The following SPRY3 variants were observed in gnomAD, a reference collection of about 807,000 sequenced individuals.
The protein encoded by SPRY3 is protein sprouty homolog 3.
SPRY3 carries 15 observed loss-of-function variants against 20.2 expected under a neutral mutation model. The observed-to-expected ratio is 0.74, with a 90% CI of 0.50 to 1.14. The LOEUF is 1.14. Ranked by LOEUF, SPRY3 falls within the 50% of genes most tolerant of loss-of-function variation. The pLI, the probability that SPRY3 is intolerant of heterozygous loss-of-function variation, is 0.00. For synonymous variants in SPRY3, 143 were observed against 136.5 expected (o/e 1.05, Z -0.33); for missense variants, 364 against 363.9 (o/e 1.00, Z 0.00).
At chrX:155,704,686 A>G (rs1289492055) in intron 2 of SPRY3, among the ~76,000 whole-genome samples, 1 of 151,676 alleles carries the variant, frequency 6.6e-6, no homozygotes, top group East Asian at 1.9e-4. Context: ...TGCACCAAAC[A>G]TGACTTTTTA....
chrX:155,746,214 A>G (rs2091225306), intron 2 of SPRY3, among the ~76,000 whole-genome samples: 1 of 152,048 alleles, frequency 6.6e-6, no homozygotes, highest in South Asian at 2.1e-4. Context: ...TATACCTGTA[A>G]GCAAGTAAAT....
intron 2 of SPRY3, among the ~76,000 whole-genome samples, chrX:155,680,091 C>CT (rs2068069226): frequency 9.7e-6 from 1 of 102,843 alleles, no homozygotes; most frequent in Non-Finnish European, 2.0e-5. Flanking sequence ...AAACATGGGA[C>CT]TTTATATTAA....
intron 2 of SPRY3, among the ~76,000 whole-genome samples, chrX:155,762,669 C>T (rs1277576233): frequency 6.6e-6 from 1 of 152,060 alleles, no homozygotes; most frequent in Non-Finnish European, 1.5e-5. Flanking sequence ...GGTCTCACAC[C>T]AGTCCGAATG....
intron 2 of SPRY3, among the ~76,000 whole-genome samples, chrX:155,709,796 G>T (rs2090974040): frequency 6.6e-6 from 1 of 151,740 alleles, no homozygotes; most frequent in Non-Finnish European, 1.5e-5. Context: ...CATAAGTTTA[G>T]TCTTAGATTT....
chrX:155,741,331 C>T (rs891408963), intron 2 of SPRY3, among the ~76,000 whole-genome samples: 1 of 152,066 alleles, frequency 6.6e-6, no homozygotes, highest in Non-Finnish European at 1.5e-5. Flanking sequence ...CAAACAAAAC[C>T]TCCAAGAACT....
intron 2 of SPRY3, among the ~76,000 whole-genome samples, chrX:155,754,214 A>G (rs1408319852): frequency 6.6e-6 from 1 of 151,914 alleles, no homozygotes; most frequent in Non-Finnish European, 1.5e-5. Context: ...AGAGTTTTGT[A>G]GTTTTGGCTC....
At position 155,766,491 on chromosome X, in the gene SPRY3, C is replaced by A. The variant is rs761695471; in HGVS notation, c.-281-1471C>A. Among the ~76,000 whole-genome samples, 8 of 152,244 alleles carry A rather than the reference C, an allele frequency of 5.3e-5. 1 individual carries two copies. In the South Asian group the frequency reaches 1.5e-3, roughly 28 times the overall value. On this transcript the variant is annotated intron_variant, in intron 2 of 3. Coordinates refer to ENST00000675360, the Ensembl canonical transcript of SPRY3. ...TTTTACTCTGAACTGTCACCATTTACCATCTCAATTTTATAGATGAGGTAA... is the reference window on the plus strand; with the variant it reads ...TTTTACTCTGAACTGTCACCATTTAACATCTCAATTTTATAGATGAGGTAA...
At chrX:155,727,932 G>A (rs1229221608) in intron 2 of SPRY3, among the ~76,000 whole-genome samples, 1 of 152,138 alleles carries the variant, frequency 6.6e-6, no homozygotes, top group Non-Finnish European at 1.5e-5. Context: ...CCCCATCTTT[G>A]TGGTTTTATC....
intron 2 of SPRY3, among the ~76,000 whole-genome samples, chrX:155,749,452 C>G (rs2091248002): frequency 6.6e-6 from 1 of 151,614 alleles, no homozygotes; most frequent in Non-Finnish European, 1.5e-5. Context: ...GAGAAGGCCT[C>G]TCTGATAAAG....
intron 2 of SPRY3, among the ~76,000 whole-genome samples, chrX:155,677,747 A>C (rs748533718): frequency 8.0e-5 from 9 of 111,951 alleles, no homozygotes; most frequent in Admixed American, 1.9e-4. Context: ...TATAACCAGA[A>C]AGTAGAAGTC....
At chrX:155,700,638 TACTCTAAG>T (rs1395772018) in intron 2 of SPRY3, among the ~76,000 whole-genome samples, 47 of 80,220 alleles carry the variant, frequency 5.9e-4, no homozygotes, top group Admixed American at 8.0e-4. Context: ...TTTTTTATTA[TACTCTAAG>T]TTTTAGGGTA....
intron 2 of SPRY3, among the ~76,000 whole-genome samples, chrX:155,684,289 A>G (rs761145719): frequency 9.0e-6 from 1 of 111,193 alleles, no homozygotes; most frequent in Non-Finnish European, 1.9e-5. Flanking sequence ...AATGATCACT[A>G]TTATAAGAAA....
chrX:155,642,973 T>C (rs1557351557), intron 1 of SPRY3, among the ~76,000 whole-genome samples: 1 of 112,069 alleles, frequency 8.9e-6, no homozygotes, highest in African/African-American at 3.2e-5. Context: ...AAATGTTCTG[T>C]ACAAATCTAT....
downstream of SPRY3, chrX:155,781,628 G>C (rs1193766770): frequency 6.0e-6 from 1 of 166,862 alleles, no homozygotes; most frequent in African/African-American, 2.4e-5. Flanking sequence ...CTGAGCCTTT[G>C]CTTTTCTCAT....
intron 2 of SPRY3, among the ~76,000 whole-genome samples, chrX:155,724,317 TGAAGAAA>T (rs1173231990): frequency 6.6e-6 from 1 of 152,176 alleles, no homozygotes; most frequent in Non-Finnish European, 1.5e-5. Flanking sequence ...TCCAATTCTG[TGAAGAAA>T]GTCATTGGTA....
At chrX:155,643,557 C>T (rs988610791) in intron 1 of SPRY3, among the ~76,000 whole-genome samples, 1 of 110,923 alleles carries the variant, frequency 9.0e-6, no homozygotes, top group Non-Finnish European at 1.9e-5. Context: ...TCCTTCCTTT[C>T]TTTCTTTTAG....
chrX:155,679,568 C>T (rs866159394), intron 2 of SPRY3, among the ~76,000 whole-genome samples: 2 of 111,806 alleles, frequency 1.8e-5, no homozygotes, highest in Admixed American at 1.9e-4. Context: ...GGTCTCACCT[C>T]TTAATACTAT....
intron 2 of SPRY3, among the ~76,000 whole-genome samples, chrX:155,742,342 G>A (rs1481819117): frequency 1.3e-5 from 2 of 152,098 alleles, no homozygotes; most frequent in Non-Finnish European, 2.9e-5. Context: ...GATTCATAAA[G>A]CAAGTTCTTA....
At chrX:155,780,406 T>G (rs1324959016), downstream of SPRY3, 2 of 166,996 alleles carry the variant, frequency 1.2e-5, no homozygotes, top group Admixed American at 6.6e-5. Context: ...ACCTGTGTCC[T>G]AAGGCCTAGA....
Sources: allele counts gnomAD v4.1 joint callset (sites outside exome capture counted in the v4.1 genomes callset), GRCh38; gene constraint gnomAD v4.1.1; transcripts MANE v1.5; gene names NCBI Gene and HGNC (gene_info 2026-07-23, HGNC 2026-07-21).